The following FILIP1L variants were observed in gnomAD, a reference collection of about 807,000 sequenced individuals.
FILIP1L encodes the protein filamin A interacting protein 1 like, also known as filamin A-interacting protein 1-like.
A neutral mutation model predicts 96.6 loss-of-function variants in FILIP1L; 55 were observed. The observed-to-expected ratio is 0.57, with a 90% CI of 0.46 to 0.71. FILIP1L has a LOEUF of 0.71. FILIP1L is among the 30% of genes least tolerant of loss of function. The probability of loss-of-function intolerance (pLI) is 0.00; values close to 1 mark genes in which losing one functional copy is unlikely to be tolerated. For missense variants in FILIP1L, 1,304 were observed against 1,321.2 expected (o/e 0.99, Z 0.20); for synonymous variants, 467 against 473.9 (o/e 0.99, Z 0.19).
intron 1 of FILIP1L, among the ~76,000 whole-genome samples, chr3:100,002,700 G>T (rs780490263): frequency 6.2e-4 from 94 of 152,196 alleles, no homozygotes; most frequent in Non-Finnish European, 9.4e-4. Context: ...TCATCTAATT[G>T]TACATGTGGA....
intron 1 of FILIP1L, among the ~76,000 whole-genome samples, chr3:99,975,059 G>A (rs1708929343): frequency 6.6e-6 from 1 of 152,178 alleles, no homozygotes; most frequent in South Asian, 2.1e-4. Flanking sequence ...GACTGCTAAT[G>A]TTCCAGGAAC....
intron 1 of FILIP1L, among the ~76,000 whole-genome samples, chr3:100,111,138 C>T (rs936648137): frequency 6.6e-6 from 1 of 152,048 alleles, no homozygotes; most frequent in African/African-American, 2.4e-5. Flanking sequence ...CTTTTAGCAA[C>T]TAAACTGAAT....
intron 1 of FILIP1L, among the ~76,000 whole-genome samples, chr3:100,074,057 TG>T (rs2065806382): frequency 6.6e-6 from 1 of 152,142 alleles, no homozygotes; most frequent in South Asian, 2.1e-4. Flanking sequence ...AAAAGGTTTG[TG>T]GGGGCCTTTT....
intron 4 of FILIP1L, among the ~76,000 whole-genome samples, chr3:99,903,496 T>C (rs1706509515): frequency 6.6e-6 from 1 of 152,080 alleles, no homozygotes; most frequent in Admixed American, 6.5e-5. Context: ...GTGATCCACC[T>C]GCCTCGGCCT....
At chr3:99,889,634 T>C (rs1288738817) in intron 4 of FILIP1L, among the ~76,000 whole-genome samples, 1 of 152,090 alleles carries the variant, frequency 6.6e-6, no homozygotes, top group Non-Finnish European at 1.5e-5. Flanking sequence ...TTGTTGCTTT[T>C]ATCTCATTTC....
chr3:99,848,755 G>A lies in FILIP1L; in HGVS notation c.2921C>T (p.Ser974Phe), dbSNP rs1442590252. 4.3e-6 allele frequency: 7 copies of A among 1,614,058 alleles called. No homozygotes were observed. The highest frequency in any genetic ancestry group is 5.1e-6 in the Non-Finnish European group (6 of 1,180,030). ...EDLMNLEQGM[S>F]PITMATFARA... is the part of the protein sequence containing the mutation. ...GGCAAAGGTTGCCATGGTAATTGGG[G>A]ACATGCCTTGTTCTAAATTCATGAG... The change falls in exon 5 of 6, where the codon TCC (serine) becomes TTC (phenylalanine). Residue 974 changes from serine to phenylalanine, a missense_variant. Ser to Phe is a radical substitution (Grantham distance 155). Transcript: ENST00000477258.
chr3:99,876,169 A>G (rs950827533), intron 4 of FILIP1L: 2 of 985,440 alleles, frequency 2.0e-6, no homozygotes, highest in African/African-American at 3.5e-5. Flanking sequence ...TCGCCCGAAC[A>G]ATGCGAGCGG....
chr3:99,960,731 T>C (rs2107702267), intron 1 of FILIP1L, among the ~76,000 whole-genome samples: 1 of 152,350 alleles, frequency 6.6e-6, no homozygotes, highest in Admixed American at 6.5e-5. Flanking sequence ...TTGTTCTTGC[T>C]TTCCTTTGTA....
At chr3:99,846,748 A>G (rs1396716371) in intron 5 of FILIP1L, among the ~76,000 whole-genome samples, 1 of 152,248 alleles carries the variant, frequency 6.6e-6, no homozygotes, top group Admixed American at 6.5e-5. Context: ...AAAGGAGGAT[A>G]ATTGTGAAAG....
intron 4 of FILIP1L, among the ~76,000 whole-genome samples, chr3:99,895,245 C>G (rs1329545033): frequency 1.3e-5 from 2 of 152,104 alleles, no homozygotes; most frequent in African/African-American, 2.4e-5. Context: ...ATAGCATGTT[C>G]TTTTAGGCAA....
At chr3:100,094,319 T>C (rs1262107484) in intron 1 of FILIP1L, among the ~76,000 whole-genome samples, 1 of 152,166 alleles carries the variant, frequency 6.6e-6, no homozygotes, top group Non-Finnish European at 1.5e-5. Context: ...TCCTTATATT[T>C]TTTAAATGGT....
At chr3:99,938,185 C>G (rs1332919536) in intron 1 of FILIP1L, among the ~76,000 whole-genome samples, 1 of 152,176 alleles carries the variant, frequency 6.6e-6, no homozygotes. Context: ...TGTAAACTTT[C>G]GATCATAAAT....
At chr3:99,879,432 T>C (rs960063156) in intron 4 of FILIP1L, among the ~76,000 whole-genome samples, 75 of 152,250 alleles carry the variant, frequency 4.9e-4, no homozygotes, top group African/African-American at 1.8e-3. Context: ...CATCATTATT[T>C]AACTTTTAAA....
chr3:99,898,780 A>G (rs1326863661), intron 4 of FILIP1L: 1 of 152,232 alleles, frequency 6.6e-6, no homozygotes, highest in Admixed American at 6.6e-5. Flanking sequence ...AAAAAAAAAA[A>G]AAAAAGTGCA....
At chr3:99,960,518 C>T (rs1248613260) in intron 1 of FILIP1L, among the ~76,000 whole-genome samples, 3 of 152,170 alleles carry the variant, frequency 2.0e-5, no homozygotes, top group Non-Finnish European at 4.4e-5. Flanking sequence ...AAGATTACAG[C>T]GTGAAGTGAA....
intron 4 of FILIP1L, among the ~76,000 whole-genome samples, chr3:99,909,764 C>T (rs1576565832): frequency 6.6e-6 from 1 of 152,180 alleles, no homozygotes; most frequent in Non-Finnish European, 1.5e-5. Flanking sequence ...TAGATAACCT[C>T]AGTGTATATT....
intron 4 of FILIP1L, among the ~76,000 whole-genome samples, chr3:99,876,391 C>T (rs1481480522): frequency 3.3e-5 from 5 of 152,176 alleles, no homozygotes; most frequent in African/African-American, 9.6e-5. Context: ...AGTGGTGGGC[C>T]GGTGGGCCGG....
intron 1 of FILIP1L, among the ~76,000 whole-genome samples, chr3:100,046,344 A>C (rs77585766): frequency 2.6e-5 from 4 of 152,216 alleles, no homozygotes; most frequent in Non-Finnish European, 5.9e-5. Flanking sequence ...GAATTTGCAG[A>C]ATTATTTTTA....
At chr3:99,968,494 A>G (rs1370156969) in intron 1 of FILIP1L, among the ~76,000 whole-genome samples, 1 of 152,172 alleles carries the variant, frequency 6.6e-6, no homozygotes, top group African/African-American at 2.4e-5. Flanking sequence ...TATCCAGGTA[A>G]ATAAACATGG....
Sources: gnomAD v4.1 joint callset for allele counts (sites outside exome capture counted in the v4.1 genomes callset) on GRCh38, gnomAD v4.1.1 for gene constraint, MANE v1.5 for transcripts, NCBI Gene and HGNC (gene_info 2026-07-23, HGNC 2026-07-21) for gene names.